The following TSPEAR variants were observed in gnomAD, a reference collection of about 807,000 sequenced individuals.
TSPEAR encodes the protein thrombospondin type laminin G domain and EAR repeats.
In TSPEAR, 69 loss-of-function variants were observed where a neutral mutation model predicts 71.6. The observed-to-expected ratio is 0.96, with a 90% confidence interval of 0.79 to 1.18. The LOEUF is 1.18. TSPEAR is among the 50% of genes most tolerant of loss of function. The pLI, the probability that TSPEAR is intolerant of heterozygous loss-of-function variation, is 0.00. For synonymous variants in TSPEAR, 402 were observed against 387.2 expected (o/e 1.04, Z -0.45); for missense variants, 971 against 894.9 (o/e 1.09, Z -1.09).
chr21:44,610,308 T>C (rs8130295), intron 1 of TSPEAR, among the ~76,000 whole-genome samples: 6,916 of 152,200 alleles, frequency 0.045, 489 homozygotes, highest in African/African-American at 0.15. Context: ...CCTGGAGGCC[T>C]GGGAGGAAAA....
chr21:44,697,040 TC>T, intron 1 of TSPEAR: 1 of 1,060,344 alleles, frequency 9.4e-7, no homozygotes, highest in Non-Finnish European at 1.3e-6. Flanking sequence ...ACTCACTCCC[TC>T]CCTCCTGCCC....
chr21:44,672,371 C>T (rs1195053286), intron 1 of TSPEAR, among the ~76,000 whole-genome samples: 1 of 152,114 alleles, frequency 6.6e-6, no homozygotes, highest in East Asian at 1.9e-4. Context: ...GAGATTGAGA[C>T]CATCCTGGCT....
intron 8 of TSPEAR, among the ~76,000 whole-genome samples, chr21:44,523,407 TAAGTC>T (rs587699878): frequency 1.8e-3 from 268 of 152,192 alleles, no homozygotes; most frequent in Middle Eastern, 6.8e-3. Flanking sequence ...AGGTAGTTAA[TAAGTC>T]AGGTAGTCAG....
chr21:44,554,286 G>C (rs233245), intron 2 of TSPEAR, among the ~76,000 whole-genome samples: 34,298 of 152,172 alleles, frequency 0.23, 4,123 homozygotes, highest in East Asian at 0.37. Context: ...CCTCTCCAGA[G>C]CACCACCATG....
chr21:44,557,183 G>A (rs989551307), intron 2 of TSPEAR, among the ~76,000 whole-genome samples: 4 of 152,260 alleles, frequency 2.6e-5, no homozygotes, highest in Admixed American at 1.3e-4. Context: ...AGGTTTTGTC[G>A]GCTACATGAG....
chr21:44,632,295 T>C (rs587634958), intron 1 of TSPEAR, among the ~76,000 whole-genome samples: 14 of 152,190 alleles, frequency 9.2e-5, no homozygotes, highest in African/African-American at 3.4e-4. Flanking sequence ...ACAGCCAATT[T>C]CTCTTCAAAA....
chr21:44,545,303 G>C lies in TSPEAR; in HGVS notation c.304-11380C>G, dbSNP rs186288551. Among the ~76,000 whole-genome samples, 855 of 150,886 alleles carry C rather than the reference G, an allele frequency of 5.7e-3. 6 individuals are homozygous for C. The highest frequency in any genetic ancestry group is 0.019 in the African/African-American group (790 of 40,968). On this transcript the variant is annotated intron_variant, in intron 2 of 11. Transcript: ENST00000323084. ...ACTGCACTCCAGCCTGGGTGACAGAGCAAGACTCTGTCTCAAAAAAAAAAT... is the reference window on the plus strand; with the variant it reads ...ACTGCACTCCAGCCTGGGTGACAGACCAAGACTCTGTCTCAAAAAAAAAAT...
At chr21:44,615,284 G>T (rs1194627033) in intron 1 of TSPEAR, among the ~76,000 whole-genome samples, 1 of 152,254 alleles carries the variant, frequency 6.6e-6, no homozygotes, top group African/African-American at 2.4e-5. Context: ...AGGGCCGTGC[G>T]CTCACCCGAC....
chr21:44,600,445 G>A (rs117993969), intron 1 of TSPEAR, among the ~76,000 whole-genome samples: 9 of 152,138 alleles, frequency 5.9e-5, no homozygotes, highest in Non-Finnish European at 1.2e-4. Context: ...ACTAATAAGC[G>A]TTCTCTAGGT....
At chr21:44,542,722 G>C (rs2053240327) in intron 2 of TSPEAR, among the ~76,000 whole-genome samples, 1 of 145,174 alleles carries the variant, frequency 6.9e-6, no homozygotes. Context: ...CTCTAACCTG[G>C]GCAACAGAAA....
rs564433351 is a variant in TSPEAR at position 44,702,144 on chromosome 21, G to A, written c.82+9289C>T. ...GCAGCGTCCACATGAGCACAGGGGTGGAGACTGAAGCGATGGAGCAGAGAC... is the reference window on the plus strand; with the variant it reads ...GCAGCGTCCACATGAGCACAGGGGTAGAGACTGAAGCGATGGAGCAGAGAC... On this transcript the variant is annotated intron_variant, in intron 1 of 11. Transcript: ENST00000323084. 16 of 1,281,256 alleles carry A rather than the reference G, an allele frequency of 1.2e-5. No homozygotes were observed. The South Asian group carries it at 1.8e-4, about 14-fold the overall frequency. 79.4% of individuals were successfully genotyped at this position (1,281,256 alleles called of 1,614,324 possible). A position where few individuals can be genotyped will look rare whatever the true frequency, so the allele number is the denominator to read the frequency against.
At chr21:44,655,695 A>G (rs1985105237) in intron 1 of TSPEAR, among the ~76,000 whole-genome samples, 1 of 152,120 alleles carries the variant, frequency 6.6e-6, no homozygotes. Context: ...AGCGGGCAGG[A>G]GTGTGGATGA....
At chr21:44,556,786 T>G (rs1229988140) in intron 2 of TSPEAR, among the ~76,000 whole-genome samples, 1 of 152,146 alleles carries the variant, frequency 6.6e-6, no homozygotes, top group Non-Finnish European at 1.5e-5. Flanking sequence ...TTGAAAACAC[T>G]AGGAAGAATC....
intron 1 of TSPEAR, among the ~76,000 whole-genome samples, chr21:44,579,290 T>G (rs1978700129): frequency 6.6e-6 from 1 of 152,114 alleles, no homozygotes; most frequent in Non-Finnish European, 1.5e-5. Context: ...GGACTGAGCC[T>G]TCCTGGGCGT....
chr21:44,623,690 A>AT lies in TSPEAR; in HGVS notation c.83-55686dup, dbSNP rs1555933887. Among the ~76,000 whole-genome samples, 1 of 152,166 alleles carries AT rather than the reference A, an allele frequency of 6.6e-6. No homozygotes were observed. The highest frequency in any genetic ancestry group is 2.4e-5 in the African/African-American group (1 of 41,424). On this transcript the variant is annotated intron_variant, in intron 1 of 11. Transcript: ENST00000323084. This position sits in a 1 kb window ranked among gnomAD's most constrained non-coding sequence, Gnocchi z 4.5. ...TGAGGATCTTCTTCCCAGGTGTAGA[A>AT]TTCTAGCTTGGTGCTTCTTTTCTTT...
At chr21:44,633,854 G>T (rs1344896407) in intron 1 of TSPEAR, among the ~76,000 whole-genome samples, 1 of 151,990 alleles carries the variant, frequency 6.6e-6, no homozygotes, top group African/African-American at 2.4e-5. Flanking sequence ...TGTTGAACTG[G>T]AATTGCCTAT....
intron 1 of TSPEAR, among the ~76,000 whole-genome samples, chr21:44,670,854 C>T (rs1986022191): frequency 6.6e-6 from 1 of 152,228 alleles, no homozygotes; most frequent in African/African-American, 2.4e-5. Context: ...TGCCGAATCC[C>T]ACAACCCCCA....
At chr21:44,700,126 A>G (rs1439750129) in intron 1 of TSPEAR, among the ~76,000 whole-genome samples, 4 of 152,212 alleles carry the variant, frequency 2.6e-5, no homozygotes, top group African/African-American at 9.7e-5. Flanking sequence ...ATTCTTCTAC[A>G]GAATTTTTTT....
At chr21:44,634,397 G>A (rs1351627725) in intron 1 of TSPEAR, among the ~76,000 whole-genome samples, 3 of 152,180 alleles carry the variant, frequency 2.0e-5, no homozygotes, top group Non-Finnish European at 4.4e-5. Context: ...GGAAACATAA[G>A]AGTAAATATG....
Sources: allele counts gnomAD v4.1 joint callset (sites outside exome capture counted in the v4.1 genomes callset), GRCh38; gene constraint gnomAD v4.1.1; non-coding constraint Gnocchi (gnomAD v3.1); transcripts MANE v1.5; gene names NCBI Gene and HGNC (gene_info 2026-07-23, HGNC 2026-07-21).